The following GALNT18 variants were observed in gnomAD, a reference collection of about 807,000 sequenced individuals.
GALNT18 encodes GalNAc-transferase 18.
In GALNT18, 44 loss-of-function variants were observed where a neutral mutation model predicts 69.5. That is an observed-to-expected ratio of 0.63 (90% CI 0.50 to 0.81). GALNT18 has a LOEUF of 0.81. GALNT18 is among the 40% of genes least tolerant of loss of function. The pLI is 0.00. For missense variants in GALNT18, 715 were observed against 810.0 expected (o/e 0.88, Z 1.42); for synonymous variants, 364 against 318.2 (o/e 1.14, Z -1.53).
intron 1 of GALNT18, among the ~76,000 whole-genome samples, chr11:11,498,053 T>C (rs535261931): frequency 1.3e-5 from 2 of 152,298 alleles, no homozygotes; most frequent in South Asian, 2.1e-4. Flanking sequence ...TCTTAAAAAA[T>C]GGAGAAGGAA....
At chr11:11,507,916 C>T (rs574498539) in intron 1 of GALNT18, among the ~76,000 whole-genome samples, 119 of 152,354 alleles carry the variant, frequency 7.8e-4, no homozygotes, top group South Asian at 2.5e-3. Context: ...ATGCTGGATG[C>T]TTCCTGCCCT....
At position 11,523,654 on chromosome 11, in the gene GALNT18, G is replaced by A. The variant is rs1214625163; in HGVS notation, c.236-74718C>T. 6.6e-6 allele frequency among the ~76,000 whole-genome samples: 1 copy of A among 151,678 alleles called. No homozygotes were observed. The highest frequency in any genetic ancestry group is 2.4e-5 in the African/African-American group (1 of 41,242). On this transcript the variant is annotated intron_variant, in intron 1 of 10. Coordinates refer to ENST00000227756, the MANE Select transcript of GALNT18 (RefSeq NM_198516.3). This position sits in a 1 kb window ranked among gnomAD's most constrained non-coding sequence, Gnocchi z 4.3. The stretch of plus-strand genomic sequence containing the variant: ...GAATGGTGAGAACCCGGGAGGAAGA[G>A]GTTGCAGTGAGCCGAGATCGCACCA...
At chr11:11,556,962 T>C (rs1858346865) in intron 1 of GALNT18, among the ~76,000 whole-genome samples, 1 of 152,204 alleles carries the variant, frequency 6.6e-6, no homozygotes, top group Non-Finnish European at 1.5e-5. Context: ...GAATATTAGA[T>C]AGAAGAGGTG....
chr11:11,467,037 G>T (rs1349950613), intron 1 of GALNT18, among the ~76,000 whole-genome samples: 4 of 152,200 alleles, frequency 2.6e-5, no homozygotes, highest in African/African-American at 9.6e-5. Context: ...GATGGAAAAT[G>T]AACTGCTCAT....
chr11:11,295,073 C>A (rs1590017218), intron 9 of GALNT18, among the ~76,000 whole-genome samples: 1 of 152,148 alleles, frequency 6.6e-6, no homozygotes, highest in South Asian at 2.1e-4. Context: ...ACTTTTTAAA[C>A]CTGTGTGCTA....
chr11:11,562,665 G>A lies in GALNT18; in HGVS notation c.235+58694C>T, dbSNP rs900670090. Among the ~76,000 whole-genome samples, 1 of 152,206 alleles carries A rather than the reference G, an allele frequency of 6.6e-6. No homozygotes were observed. The highest frequency in any genetic ancestry group is 6.5e-5 in the Admixed American group (1 of 15,284). ...TGGACGTCTGCAAATAGCAAAGCAAGTCAGCAGAGGAGCAAACAAAGTATT... is the reference window on the plus strand; with the variant it reads ...TGGACGTCTGCAAATAGCAAAGCAAATCAGCAGAGGAGCAAACAAAGTATT... On this transcript the variant is annotated intron_variant, in intron 1 of 10. Transcript: ENST00000227756. This position sits in a 1 kb window ranked among gnomAD's most constrained non-coding sequence, Gnocchi z 4.1.
intron 6 of GALNT18, among the ~76,000 whole-genome samples, chr11:11,371,901 G>T (rs1336170739): frequency 5.3e-5 from 8 of 152,210 alleles, no homozygotes; most frequent in Non-Finnish European, 1.2e-4. Flanking sequence ...GCCTCTTGGG[G>T]ATCCATGCCA....
chr11:11,283,738 T>C (rs1849134937), intron 10 of GALNT18, among the ~76,000 whole-genome samples: 1 of 152,082 alleles, frequency 6.6e-6, no homozygotes, highest in African/African-American at 2.4e-5. Flanking sequence ...AACTACATAA[T>C]CTGGAAACAC....
chr11:11,516,715 G>T (rs1466399202), intron 1 of GALNT18, among the ~76,000 whole-genome samples: 1 of 152,186 alleles, frequency 6.6e-6, no homozygotes, highest in Admixed American at 6.5e-5. Context: ...CCATGCTGCA[G>T]GGGCACTGTT....
intron 1 of GALNT18, among the ~76,000 whole-genome samples, chr11:11,458,467 G>A (rs896387314): frequency 2.6e-5 from 4 of 152,174 alleles, no homozygotes; most frequent in African/African-American, 4.8e-5. Flanking sequence ...TTAAAAAGAA[G>A]AGGGCTAATT....
At chr11:11,498,676 G>A (rs565961027) in intron 1 of GALNT18, among the ~76,000 whole-genome samples, 209 of 152,352 alleles carry the variant, frequency 1.4e-3, no homozygotes, top group Non-Finnish European at 2.2e-3. Flanking sequence ...CTGTGCACCT[G>A]TAGTCCCAGC....
rs77704958 is a variant in GALNT18 at position 11,337,520 on chromosome 11, T to C, written c.1278+3299A>G. Among the ~76,000 whole-genome samples the C allele has an allele frequency of 5.1e-3, 783 of 152,250 alleles. 8 individuals are homozygous for C. The highest frequency in any genetic ancestry group is 0.018 in the African/African-American group (739 of 41,540). On this transcript the variant is annotated intron_variant, in intron 7 of 10. Transcript: ENST00000227756. This position sits in a 1 kb window ranked among gnomAD's most constrained non-coding sequence, Gnocchi z 4.9. ...CAGCCAGATTTGAAAGCCACTGTTC[T>C]AATGAGAGGGAGACTTTTAGATAAC...
rs1859474048 is a variant in GALNT18, at chr11:11,595,377, A to C, written c.235+25982T>G. ...CAGGAGGCTGCAACCCAGAAGAGAG[A>C]CTTCACCAGACAGAACCCCATCAAG... is the stretch of plus-strand genomic sequence containing the variant. On this transcript the variant is annotated intron_variant, in intron 1 of 10. Transcript: ENST00000227756. This position sits in a 1 kb window ranked among gnomAD's most constrained non-coding sequence, Gnocchi z 5.2. 1.3e-5 allele frequency among the ~76,000 whole-genome samples: 2 copies of C among 152,170 alleles called. No individual in the cohort carries two copies. The highest frequency in any genetic ancestry group is 4.2e-4 in the South Asian group (2 of 4,804).
Position 11,383,352 on chromosome 11 carries a change from G to T in GALNT18, c.596-4088C>A, listed in dbSNP as rs1291195630. On this transcript the variant is annotated intron_variant, in intron 3 of 10. Transcript: ENST00000227756. This position sits in a 1 kb window ranked among gnomAD's most constrained non-coding sequence, Gnocchi z 5.2. Reference sequence around the variant, plus strand: ...ACCACTAGCAGGCTGAGCCGGAAGGGTCTGGCATGGAGGCTGTTAATCTGA... The same window carrying T: ...ACCACTAGCAGGCTGAGCCGGAAGGTTCTGGCATGGAGGCTGTTAATCTGA... 6.6e-6 allele frequency among the ~76,000 whole-genome samples: 1 copy of T among 152,232 alleles called. No homozygotes were observed. The highest frequency in any genetic ancestry group is 2.4e-5 in the African/African-American group (1 of 41,464).
intron 3 of GALNT18, among the ~76,000 whole-genome samples, chr11:11,417,261 GT>G (rs1854888632): frequency 6.6e-6 from 1 of 152,198 alleles, no homozygotes; most frequent in African/African-American, 2.4e-5. Context: ...CCCTCAAATT[GT>G]GCACACAGTG....
Position 11,613,941 on chromosome 11 carries a change from T to A in GALNT18, c.235+7418A>T, listed in dbSNP as rs909354745. Among the ~76,000 whole-genome samples the A allele has an allele frequency of 6.6e-6, 1 of 152,114 alleles. No homozygotes were observed. The highest frequency in any genetic ancestry group is 2.4e-5 in the African/African-American group (1 of 41,432). ...CATTTATCACTCACATTCAGCCGGG[T>A]TTTCCCTCCAGGAACTTTCTGTGTA... On this transcript the variant is annotated intron_variant, in intron 1 of 10. Transcript: ENST00000227756. The surrounding 1 kb of genome is among the most constrained non-coding windows in gnomAD (Gnocchi z 4.2).
chr11:11,429,360 CT>C (rs1855213864), intron 3 of GALNT18, among the ~76,000 whole-genome samples: 2 of 152,366 alleles, frequency 1.3e-5, no homozygotes, highest in Admixed American at 1.3e-4. Flanking sequence ...TCTCAAGCTT[CT>C]AACTTTCGGT....
chr11:11,564,046 C>T lies in GALNT18; in HGVS notation c.235+57313G>A, dbSNP rs1858582492. Among the ~76,000 whole-genome samples, 1 of 151,940 alleles carries T rather than the reference C, an allele frequency of 6.6e-6. No homozygotes were observed. The highest frequency in any genetic ancestry group is 1.5e-5 in the Non-Finnish European group (1 of 68,028). ...TGCTGATTACTAGTGAGGCACCATG[C>T]TAAATGAATGTCAGCTTGTTTAACT... On this transcript the variant is annotated intron_variant, in intron 1 of 10. Coordinates refer to ENST00000227756, the MANE Select transcript of GALNT18 (RefSeq NM_198516.3). The surrounding 1 kb of genome is among the most constrained non-coding windows in gnomAD (Gnocchi z 4.3).
chr11:11,433,240 T>G (rs1299578127), intron 2 of GALNT18, among the ~76,000 whole-genome samples: 1 of 152,234 alleles, frequency 6.6e-6, no homozygotes, highest in Non-Finnish European at 1.5e-5. Context: ...TCCCAGAGAC[T>G]TCTGCCAAAA....
Sources: allele counts gnomAD v4.1 joint callset (sites outside exome capture counted in the v4.1 genomes callset), GRCh38; gene constraint gnomAD v4.1.1; non-coding constraint Gnocchi (gnomAD v3.1); transcripts MANE v1.5; gene names NCBI Gene and HGNC (gene_info 2026-07-23, HGNC 2026-07-21).